CCDC3: variants seen among roughly 807,000 people sequenced by gnomAD.
CCDC3 encodes the protein coiled-coil domain containing 3, also known as coiled-coil domain-containing protein 3.
Under a neutral mutation model 21.4 loss-of-function variants are expected in CCDC3, and 24 were observed. The ratio of observed to expected loss-of-function variants is 1.12; its 90% confidence interval spans 0.81 to 1.58. CCDC3 has a LOEUF of 1.58. Among genes scored for constraint, CCDC3 ranks in the 40% most tolerant of loss-of-function variants. CCDC3 has a pLI of 0.00. For synonymous variants in CCDC3, 186 were observed against 166.0 expected (o/e 1.12, Z -0.93); for missense variants, 425 against 360.9 (o/e 1.18, Z -1.44).
intron 2 of CCDC3, among the ~76,000 whole-genome samples, chr10:12,928,141 G>C (rs529437933): frequency 6.6e-6 from 1 of 152,318 alleles, no homozygotes; most frequent in Non-Finnish European, 1.5e-5. Context: ...GACAGACCCA[G>C]AGTTTAGAAG....
intron 5 of CCDC3, among the ~76,000 whole-genome samples, chr10:13,048,125 G>A (rs1836552190): frequency 6.6e-6 from 1 of 152,186 alleles, no homozygotes; most frequent in Non-Finnish European, 1.5e-5. Context: ...AGGAACAAAA[G>A]AAAAGGTAGC....
chr10:13,016,334 GAAAAAAA>G (rs72075391), intron 5 of CCDC3, among the ~76,000 whole-genome samples: 4 of 78,376 alleles, frequency 5.1e-5, no homozygotes, highest in Non-Finnish European at 2.5e-5. Flanking sequence ...TTGGTAAAGC[GAAAAAAA>G]AAAAAAAAAA....
chr10:12,906,384 C>T (rs1421053678), intron 2 of CCDC3, among the ~76,000 whole-genome samples: 4 of 152,242 alleles, frequency 2.6e-5, no homozygotes, highest in East Asian at 3.9e-4. Flanking sequence ...AAGAGGAAGG[C>T]GGAGATGGAG....
intron 2 of CCDC3, among the ~76,000 whole-genome samples, chr10:12,906,372 T>G (rs1834172465): frequency 6.6e-6 from 1 of 151,844 alleles, no homozygotes; most frequent in African/African-American, 2.4e-5. Flanking sequence ...GGGAGGCAAA[T>G]GAAGAGGAAG....
chr10:12,998,579 G>T, intron 1 of CCDC3, 67 bp from the exon 2 acceptor site: 1 of 1,485,288 alleles, frequency 6.7e-7, no homozygotes, highest in Non-Finnish European at 9.2e-7. Context: ...CCAATCCAGA[G>T]TCACAGACAA....
At chr10:13,034,670 G>A (rs1042564335) in intron 5 of CCDC3, among the ~76,000 whole-genome samples, 4 of 151,764 alleles carry the variant, frequency 2.6e-5, no homozygotes, top group African/African-American at 9.7e-5. Context: ...TATTATTCCT[G>A]TAATAAATGG....
At chr10:12,981,747 G>C (rs1372101712) in intron 2 of CCDC3, among the ~76,000 whole-genome samples, 5 of 152,068 alleles carry the variant, frequency 3.3e-5, no homozygotes, top group Non-Finnish European at 5.9e-5. Flanking sequence ...TCTGACTTTA[G>C]TTACTACCAA....
intron 4 of CCDC3, among the ~76,000 whole-genome samples, chr10:13,059,821 G>C (rs1220441419): frequency 6.6e-6 from 1 of 152,192 alleles, no homozygotes; most frequent in Non-Finnish European, 1.5e-5. Flanking sequence ...CGGGCGCGGT[G>C]GCTCACGCTT....
At chr10:13,066,545 T>C (rs542097463) in intron 4 of CCDC3, among the ~76,000 whole-genome samples, 1 of 152,358 alleles carries the variant, frequency 6.6e-6, no homozygotes, top group South Asian at 2.1e-4. Flanking sequence ...ACCAGTGTTG[T>C]GAGATCACTG....
At chr10:13,020,355 G>A (rs758947627) in intron 5 of CCDC3, among the ~76,000 whole-genome samples, 16 of 152,144 alleles carry the variant, frequency 1.1e-4, no homozygotes, top group Non-Finnish European at 2.2e-4. Context: ...TTGCTGTCAT[G>A]AACAGTTAGC....
chr10:13,031,626 C>G lies in CCDC3; in HGVS notation c.-2+18048G>C, dbSNP rs545110438. 2.6e-5 allele frequency among the ~76,000 whole-genome samples: 4 copies of G among 151,966 alleles called. No homozygotes were observed. In the East Asian group the frequency reaches 7.7e-4, roughly 29 times the overall value. ...AGACTAATAAAGAAGAGAGAAGAATCAAATAGATGCAACAAAAAATGATAA... is the reference window on the plus strand; with the variant it reads ...AGACTAATAAAGAAGAGAGAAGAATGAAATAGATGCAACAAAAAATGATAA... On this transcript the variant is annotated intron_variant, in intron 5 of 6. Coordinates refer to the CCDC3 transcript ENST00000378839.
chr10:13,054,698 C>T (rs1866624), intron 4 of CCDC3, among the ~76,000 whole-genome samples: 1 of 152,036 alleles, frequency 6.6e-6, no homozygotes, highest in Admixed American at 6.6e-5. Context: ...CCAGAATTTC[C>T]CTCTTGTTGC....
chr10:12,994,407 AC>A lies in CCDC3; in HGVS notation c.549+3930del, dbSNP rs1488680485. Among the ~76,000 whole-genome samples, 437 of 135,590 alleles carry A rather than the reference AC, an allele frequency of 3.2e-3. 12 individuals are homozygous for A. Among genetic ancestry groups the A allele is most frequent in the African/African-American group, 0.011 (416 of 36,292 alleles). The allele number at this position is 135,590 out of a possible 152,430, so 89.0% of individuals were successfully genotyped here. A position where few individuals can be genotyped will look rare whatever the true frequency, so the allele number is the denominator to read the frequency against. On this transcript the variant is annotated intron_variant, in intron 2 of 2. Transcript: ENST00000378825. ...AGCAAGACTCCGTCTCAAAAACAAA[AC>A]AAAACAAAAAAAAAAAACACCCAGC...
At position 12,982,162 on chromosome 10, in the gene CCDC3, A is replaced by C. The variant is rs1485663473; in HGVS notation, c.549+16176T>G. Reference sequence around the variant, plus strand: ...AAAAAAAAAAAAAAAGTGAGCTACCACCAATCAAAATCAAAAGCCATGGTC... The same window carrying C: ...AAAAAAAAAAAAAAAGTGAGCTACCCCCAATCAAAATCAAAAGCCATGGTC... On this transcript the variant is annotated intron_variant, in intron 2 of 2. Coordinates refer to ENST00000378825, the MANE Select transcript of CCDC3 (RefSeq NM_031455.4). Among the ~76,000 whole-genome samples, 13 of 131,546 alleles carry C rather than the reference A, an allele frequency of 9.9e-5. No homozygotes were observed. The East Asian group carries it at 2.9e-3, about 29-fold the overall frequency. The allele number at this position is 131,546 out of a possible 152,430, so 86.3% of individuals were successfully genotyped here.
chr10:13,017,781 A>C (rs759085414), intron 5 of CCDC3, among the ~76,000 whole-genome samples: 1 of 152,120 alleles, frequency 6.6e-6, no homozygotes, highest in Non-Finnish European at 1.5e-5. Flanking sequence ...AACAGACTCT[A>C]TCCCATTGGG....
At chr10:12,962,715 T>TA (rs1413417096) in intron 2 of CCDC3, among the ~76,000 whole-genome samples, 3 of 152,206 alleles carry the variant, frequency 2.0e-5, no homozygotes, top group Admixed American at 6.5e-5. Flanking sequence ...AGCTAAGTCC[T>TA]AAGTGGTATA....
In CCDC3 at chr10:12,924,343, C is replaced by T. The variant is rs538590208; in HGVS notation, c.550-25664G>A. 3.3e-5 allele frequency among the ~76,000 whole-genome samples: 5 copies of T among 152,260 alleles called. No individual in the cohort carries two copies. The East Asian group carries it at 9.6e-4, about 29-fold the overall frequency. ...CTGGTAGGTGGCAACCGCTTTTGAG[C>T]AGAAATGGGCTCATTATGTTTTAGG... On this transcript the variant is annotated intron_variant, in intron 2 of 2. Coordinates refer to ENST00000378825, the MANE Select transcript of CCDC3 (RefSeq NM_031455.4).
upstream of CCDC3, among the ~76,000 whole-genome samples, chr10:13,005,418 A>G (rs1476926179): frequency 6.6e-6 from 1 of 152,182 alleles, no homozygotes; most frequent in African/African-American, 2.4e-5. Context: ...ATTTCCATTT[A>G]ATGGTAGATT....
chr10:13,053,283 A>G (rs2131426726), intron 4 of CCDC3, among the ~76,000 whole-genome samples: 1 of 152,254 alleles, frequency 6.6e-6, no homozygotes, highest in African/African-American at 2.4e-5. Flanking sequence ...TAAAAGTACA[A>G]AGGGGTTGGG....
Sources: allele counts gnomAD v4.1 joint callset (sites outside exome capture counted in the v4.1 genomes callset), GRCh38; gene constraint gnomAD v4.1.1; transcripts MANE v1.5; gene names NCBI Gene and HGNC (gene_info 2026-07-23, HGNC 2026-07-21).